IL17REL: variants seen among roughly 807,000 people sequenced by gnomAD.
IL17REL encodes the protein interleukin 17 receptor E like, also known as interleukin-17 receptor E-like protein.
In IL17REL, 36 loss-of-function variants were observed where a neutral mutation model predicts 49.0. That is an observed-to-expected ratio of 0.73 (90% CI 0.56 to 0.97). The LOEUF (loss-of-function observed/expected upper bound fraction) is 0.97, where lower values mean the gene tolerates loss of function less well. Among genes scored for constraint, IL17REL ranks in the 50% least tolerant of loss-of-function variants. IL17REL has a pLI of 0.00. For synonymous variants in IL17REL, 206 were observed against 192.4 expected (o/e 1.07, Z -0.58); for missense variants, 470 against 453.9 (o/e 1.04, Z -0.32).
At chr22:49,999,378 C>G (rs766271959) in intron 6 of IL17REL, 33 bp from the exon 9 acceptor site, 1 of 1,612,748 alleles carries the variant, frequency 6.2e-7, no homozygotes, top group Non-Finnish European at 8.5e-7. Context: ...CGCAGCCCAC[C>G]CATCCCTGTG....
chr22:49,999,610 G>C, intron 5 of IL17REL, 108 bp from the exon 8 acceptor site: 1 of 858,470 alleles, frequency 1.2e-6, no homozygotes, highest in Middle Eastern at 3.4e-4. Context: ...GAGGTGGGTG[G>C]GGCCTAGGCC....
At chr22:49,999,089 A>G (rs1296795382) in intron 7 of IL17REL, among the ~76,000 whole-genome samples, 1 of 141,246 alleles carries the variant, frequency 7.1e-6, no homozygotes, top group Non-Finnish European at 1.5e-5. Context: ...GTGCGCACAC[A>G]TGTACATTGC....
At chr22:49,999,661 T>G (rs1201527908) in intron 5 of IL17REL, among the ~76,000 whole-genome samples, 159 bp from the exon 8 acceptor site, 2 of 109,674 alleles carry the variant, frequency 1.8e-5, no homozygotes, top group Admixed American at 1.9e-4. Context: ...GGCCCAGGCC[T>G]GGCCGGGGGC....
Position 50,002,010 on chromosome 22 carries a change from G to T in IL17REL, c.-41-779C>A, listed in dbSNP as rs149709365. Among the ~76,000 whole-genome samples, 105 of 152,352 alleles carry T rather than the reference G, an allele frequency of 6.9e-4. No homozygotes were observed. In the Middle Eastern group the frequency reaches 0.01, roughly 15 times the overall value. ...CACCCTGCTGAGGCAGGAGAGTAAG[G>T]AATGAGGGTAACTGGGGGTGAAGGG... On this transcript the variant is annotated intron_variant, in intron 1 of 12. Coordinates refer to ENST00000341280, the Ensembl canonical transcript of IL17REL.
At chr22:50,007,871 A>G (rs2061118624) in intron 1 of IL17REL, among the ~76,000 whole-genome samples, 1 of 152,046 alleles carries the variant, frequency 6.6e-6, no homozygotes, top group African/African-American at 2.4e-5. Context: ...TTTAAATGAC[A>G]TAAGGTAATT....
chr22:49,999,969 T>C lies in IL17REL; in HGVS notation c.335-2A>G. 6.6e-7 allele frequency: 1 copy of C among 1,504,956 alleles called. No homozygotes were observed. Among genetic ancestry groups the C allele is most frequent in the Non-Finnish European group, 8.9e-7 (1 of 1,123,078 alleles). 93.2% of individuals were successfully genotyped at this position (1,504,956 alleles called of 1,614,324 possible). A position where few individuals can be genotyped will look rare whatever the true frequency, so the allele number is the denominator to read the frequency against. ...CCACCCAGTAGCTGAGCTTCCCCGC[T>C]GCAGGAGGCGGCAAGTCGGGGCCGC... On this transcript the variant is annotated splice_acceptor_variant, in intron 4 of 12. Transcript: ENST00000341280. LOFTEE classifies it high-confidence loss of function.
intron 9 of IL17REL, 74 bp from the exon 12 acceptor site, chr22:49,997,816 G>A: frequency 5.3e-6 from 8 of 1,502,932 alleles, no homozygotes; most frequent in Non-Finnish European, 7.4e-6. Context: ...GCAGGGACAG[G>A]GACAGGCTGG....
intron 7 of IL17REL, 90 bp downstream of exon 9, chr22:49,999,201 T>C: frequency 2.0e-6 from 3 of 1,489,202 alleles, no homozygotes; most frequent in East Asian, 2.3e-5. Flanking sequence ...CTGCTCCTTA[T>C]CTCATCCCCC....
chr22:49,999,394 C>G, intron 6 of IL17REL, 37 bp downstream of exon 8: 1 of 1,612,772 alleles, frequency 6.2e-7, no homozygotes. Flanking sequence ...CTGTGCTCCC[C>G]TCACCCGCCC....
chr22:49,992,337 C>T (rs143266493), downstream of IL17REL, among the ~76,000 whole-genome samples: 3 of 152,226 alleles, frequency 2.0e-5, no homozygotes, highest in East Asian at 5.8e-4. Context: ...AGTCAGGGAC[C>T]CTGTTAGAGC....
At position 50,005,310 on chromosome 22, in the gene IL17REL, TA is replaced by T. The variant is rs199515960; in HGVS notation, c.-42+3326del. 7.5e-3 allele frequency among the ~76,000 whole-genome samples: 1,148 copies of T among 152,166 alleles called. 14 individuals are homozygous for T. The highest frequency in any genetic ancestry group is 0.026 in the African/African-American group (1,082 of 41,530). ...GTTTTGCCTTATTCAAAATAAGGCA[TA>T]AAAATAATATCCACAGAGTCTTACT... On this transcript the variant is annotated intron_variant, in intron 1 of 12. Coordinates refer to ENST00000341280, the Ensembl canonical transcript of IL17REL.
intron 1 of IL17REL, among the ~76,000 whole-genome samples, chr22:50,004,989 AAAAG>A (rs1238501554): frequency 2.0e-5 from 3 of 151,690 alleles, no homozygotes; most frequent in African/African-American, 7.2e-5. Flanking sequence ...AAAAAAAAAA[AAAAG>A]GTGAAGCCAC....
intron 11 of IL17REL, 37 bp downstream of exon 13, chr22:49,997,283 C>T: frequency 6.3e-7 from 1 of 1,593,726 alleles, no homozygotes; most frequent in Non-Finnish European, 8.6e-7. Flanking sequence ...CCACCACCCC[C>T]ACCTCCCCAG....
exon 2 of IL17REL, chr22:50,001,175 G>A (rs1336518952): frequency 9.4e-6 from 15 of 1,601,408 alleles, no homozygotes; most frequent in Non-Finnish European, 1.3e-5. Flanking sequence ...AGGGCCTCCA[G>A]GACTGACCTG....
At chr22:50,004,555 C>T (rs1183869044) in intron 1 of IL17REL, among the ~76,000 whole-genome samples, 2 of 151,980 alleles carry the variant, frequency 1.3e-5, no homozygotes, top group Non-Finnish European at 2.9e-5. Flanking sequence ...TGCCTTAGAG[C>T]TCGGTGTGTA....
At chr22:50,003,519 C>CAAAAAAAA (rs142337526) in intron 1 of IL17REL, among the ~76,000 whole-genome samples, 3 of 39,084 alleles carry the variant, frequency 7.7e-5, no homozygotes, top group Non-Finnish European at 9.3e-5. Flanking sequence ...GACTCCATCT[C>CAAAAAAAA]AAAAAAAAAA....
At chr22:50,004,245 A>G (rs6537633) in intron 1 of IL17REL, among the ~76,000 whole-genome samples, 2,683 of 152,048 alleles carry the variant, frequency 0.018, 100 homozygotes, top group African/African-American at 0.062. Context: ...CACCCGACTA[A>G]TTTTTTAATT....
At chr22:49,992,216 G>T (rs2061010030), downstream of IL17REL, among the ~76,000 whole-genome samples, 1 of 152,106 alleles carries the variant, frequency 6.6e-6, no homozygotes, top group Non-Finnish European at 1.5e-5. Context: ...CAAAACGTTG[G>T]TCACTTTTAT....
intron 1 of IL17REL, among the ~76,000 whole-genome samples, chr22:50,002,786 C>T (rs866947656): frequency 2.6e-5 from 4 of 152,208 alleles, no homozygotes; most frequent in Admixed American, 1.3e-4. Flanking sequence ...TGAGCCACCA[C>T]GCCCAGCCAG....
Sources: gnomAD v4.1 joint callset for allele counts (sites outside exome capture counted in the v4.1 genomes callset) on GRCh38, gnomAD v4.1.1 for gene constraint, MANE v1.5 for transcripts, NCBI Gene and HGNC (gene_info 2026-07-23, HGNC 2026-07-21) for gene names.